The following DLGAP2 variants were observed in gnomAD, a reference collection of about 807,000 sequenced individuals.
The protein encoded by DLGAP2 is DLG associated protein 2, also known as disks large-associated protein 2.
In DLGAP2, 26 loss-of-function variants were observed where a neutral mutation model predicts 100.3. The ratio of observed to expected loss-of-function variants is 0.26; its 90% CI spans 0.19 to 0.36. The LOEUF is 0.36. Among genes scored for constraint, DLGAP2 ranks in the 10% least tolerant of loss-of-function variants. The pLI is 1.00. For missense variants in DLGAP2, 1,858 were observed against 1,453.2 expected, an observed-to-expected ratio of 1.28 and a Z score of -4.53; for synonymous variants, 886 against 630.1, an observed-to-expected ratio of 1.41 and a Z score of -6.08.
intron 2 of DLGAP2, among the ~76,000 whole-genome samples, chr8:1,221,621 C>T (rs1798316093): frequency 6.6e-6 from 1 of 152,042 alleles, no homozygotes; most frequent in South Asian, 2.1e-4. Context: ...CTCTGAATTT[C>T]CTGAATTTTC....
At chr8:1,424,751 C>G (rs1359919190) in intron 3 of DLGAP2, among the ~76,000 whole-genome samples, 1 of 152,048 alleles carries the variant, frequency 6.6e-6, no homozygotes, top group African/African-American at 2.4e-5. Flanking sequence ...CACGCAGCAC[C>G]TGGAGAAGTC....
intron 3 of DLGAP2, among the ~76,000 whole-genome samples, chr8:1,344,155 G>GTAAGTCCGAGTAC (rs1290888836): frequency 1.3e-5 from 2 of 150,756 alleles, no homozygotes; most frequent in African/African-American, 4.9e-5. Flanking sequence ...GGGCCCTGTC[G>GTAAGTCCGAGTAC]TGGGTCTTTG....
chr8:854,472 G>C (rs889344496), intron 1 of DLGAP2, among the ~76,000 whole-genome samples: 1 of 152,162 alleles, frequency 6.6e-6, no homozygotes, highest in African/African-American at 2.4e-5. Context: ...GGGCCTTGCT[G>C]TATTGTCCTG....
chr8:943,446 G>A (rs1356095407), intron 2 of DLGAP2, among the ~76,000 whole-genome samples: 1 of 152,264 alleles, frequency 6.6e-6, no homozygotes, highest in African/African-American at 2.4e-5. Flanking sequence ...CTGCTCTGTG[G>A]GAAAGTAGAG....
chr8:1,029,624 G>C (rs555545524), intron 2 of DLGAP2, among the ~76,000 whole-genome samples: 1 of 131,220 alleles, frequency 7.6e-6, no homozygotes, highest in Admixed American at 8.3e-5. Flanking sequence ...GGATGGCCTA[G>C]GGTGTCCAGC....
intron 3 of DLGAP2, among the ~76,000 whole-genome samples, chr8:1,263,897 T>G (rs923345889): frequency 2.0e-5 from 3 of 152,170 alleles, no homozygotes; most frequent in Non-Finnish European, 4.4e-5. Flanking sequence ...TTTTTAGTGA[T>G]TATTGTTGCT....
intron 4 of DLGAP2, among the ~76,000 whole-genome samples, chr8:1,506,273 T>C (rs73538586): frequency 0.084 from 12,767 of 152,042 alleles, 1,482 homozygotes; most frequent in African/African-American, 0.26. Flanking sequence ...ATACTTGTCA[T>C]TTTATCGTCC....
At chr8:1,596,059 T>G (rs1448933161) in intron 6 of DLGAP2, among the ~76,000 whole-genome samples, 1 of 149,324 alleles carries the variant, frequency 6.7e-6, no homozygotes, top group African/African-American at 2.5e-5. Flanking sequence ...TGTGTGATAT[T>G]CCCTTCCCTG....
chr8:1,501,305 G>A (rs1799713333), intron 3 of DLGAP2, 61 bp from the exon 4 acceptor site: 3 of 1,500,110 alleles, frequency 2.0e-6, no homozygotes, highest in African/African-American at 1.4e-5. Context: ...AGATGTGCAG[G>A]GAATGACTGC....
intron 2 of DLGAP2, among the ~76,000 whole-genome samples, chr8:1,051,215 A>G (rs187952927): frequency 6.6e-6 from 1 of 151,998 alleles, no homozygotes; most frequent in African/African-American, 2.4e-5. Flanking sequence ...GCATGAGTTG[A>G]CTTTATCCCA....
intron 7 of DLGAP2, among the ~76,000 whole-genome samples, chr8:1,628,862 G>T (rs976615703): frequency 6.6e-6 from 1 of 152,232 alleles, no homozygotes; most frequent in Admixed American, 6.5e-5. Flanking sequence ...GGGCTTCTGG[G>T]CCAAGGCCTG....
At chr8:810,523 A>G (rs1443317294) in intron 1 of DLGAP2, among the ~76,000 whole-genome samples, 4 of 152,232 alleles carry the variant, frequency 2.6e-5, no homozygotes, top group Non-Finnish European at 5.9e-5. Flanking sequence ...CTATAAATGA[A>G]ACTTCATTAC....
At chr8:1,558,785 C>T (rs1329179678) in intron 5 of DLGAP2, among the ~76,000 whole-genome samples, 17 of 149,054 alleles carry the variant, frequency 1.1e-4, no homozygotes, top group African/African-American at 1.5e-4. Flanking sequence ...TACACATATA[C>T]GCACATTACA....
At chr8:1,576,668 G>T (rs1802993031) in intron 6 of DLGAP2, among the ~76,000 whole-genome samples, 1 of 152,182 alleles carries the variant, frequency 6.6e-6, no homozygotes, top group Non-Finnish European at 1.5e-5. Flanking sequence ...AAGGGATCCA[G>T]TTTCAGCTAC....
At chr8:1,233,285 C>G (rs908930292) in intron 2 of DLGAP2, among the ~76,000 whole-genome samples, 1 of 152,198 alleles carries the variant, frequency 6.6e-6, no homozygotes, top group South Asian at 2.1e-4. Flanking sequence ...ATGCATTCCC[C>G]TACCTTTCAC....
intron 12 of DLGAP2, among the ~76,000 whole-genome samples, chr8:1,686,997 C>A (rs1799133140): frequency 6.6e-6 from 1 of 152,146 alleles, no homozygotes; most frequent in Admixed American, 6.5e-5. Context: ...ATATGTACAA[C>A]TGTGATAAAT....
At chr8:886,780 A>G (rs767493461) in intron 1 of DLGAP2, among the ~76,000 whole-genome samples, 15 of 152,210 alleles carry the variant, frequency 9.9e-5, no homozygotes, top group Non-Finnish European at 2.2e-4. Context: ...GGAGTGTTTT[A>G]CTTCCAATTA....
intron 2 of DLGAP2, chr8:1,247,138 G>T (rs1430930515): frequency 0.03 from 2,753 of 90,800 alleles, no homozygotes; most frequent in Middle Eastern, 0.049. Flanking sequence ...GGCCCACGTC[G>T]GTGGCCGGGA....
chr8:930,508 G>T (rs567356619), intron 2 of DLGAP2, among the ~76,000 whole-genome samples: 1 of 152,324 alleles, frequency 6.6e-6, no homozygotes, highest in African/African-American at 2.4e-5. Context: ...CCGAGGAGGG[G>T]ACTTCAATGC....
Sources: gnomAD v4.1 joint callset for allele counts (sites outside exome capture counted in the v4.1 genomes callset) on GRCh38, gnomAD v4.1.1 for gene constraint, MANE v1.5 for transcripts, NCBI Gene and HGNC (gene_info 2026-07-23, HGNC 2026-07-21) for gene names.